The following TRIM49C variants were observed in gnomAD, a reference collection of about 807,000 sequenced individuals.
TRIM49C encodes tripartite motif containing 49C, also known as tripartite motif-containing protein 49C.
Under a neutral mutation model 21.4 loss-of-function variants are expected in TRIM49C, and 6 were observed. That is an observed-to-expected ratio of 0.28 (90% CI 0.15 to 0.55). TRIM49C has a LOEUF of 0.55. TRIM49C is among the 20% of genes least tolerant of loss of function. TRIM49C has a pLI of 0.94. For missense variants in TRIM49C, 161 were observed against 442.4 expected (o/e 0.36, Z 5.71); for synonymous variants, 57 against 148.1 (o/e 0.38, Z 4.47).
intron 6 of TRIM49C, 147 bp from the exon 7 acceptor site, chr11:90,039,718 G>A (rs574051293): frequency 3.7e-6 from 2 of 545,844 alleles, no homozygotes; most frequent in South Asian, 4.4e-5. Context: ...AAACTGTAAA[G>A]AATTAATTTG....
the TRIM49C span, among the ~76,000 whole-genome samples, chr11:90,068,929 A>ATT: frequency 5.6e-5 from 6 of 107,932 alleles, no homozygotes; most frequent in East Asian, 1.3e-3. Flanking sequence ...TCAAGGTTGC[A>ATT]TTGAGCTGGT....
chr11:90,037,154 C>A lies in TRIM49C; in HGVS notation c.508-595C>A, dbSNP rs1950734631. Reference sequence around the variant, plus strand: ...TTCTAGTTGGAGAGAATAGCATATGCAGTAATTTTGAGTTTGTGTATATTT... The same window carrying A: ...TTCTAGTTGGAGAGAATAGCATATGAAGTAATTTTGAGTTTGTGTATATTT... On this transcript the variant is annotated intron_variant, in intron 4 of 7. Transcript: ENST00000448984. Among the ~76,000 whole-genome samples, 2 of 135,188 alleles carry A rather than the reference C, an allele frequency of 1.5e-5. 1 individual carries two copies. Among genetic ancestry groups the A allele is most frequent in the South Asian group, 5.0e-4 (2 of 3,968 alleles). The allele number at this position is 135,188 out of a possible 152,430, so 88.7% of individuals were successfully genotyped here.
the TRIM49C span, among the ~76,000 whole-genome samples, chr11:90,067,746 A>C: frequency 7.1e-6 from 1 of 140,228 alleles, no homozygotes; most frequent in African/African-American, 2.6e-5. Flanking sequence ...GTATTTTTAC[A>C]ATAAAGTTAG....
intron 6 of TRIM49C, among the ~76,000 whole-genome samples, 190 bp downstream of exon 6, chr11:90,038,905 C>T (rs1353399954): frequency 1.5e-5 from 2 of 136,136 alleles, no homozygotes; most frequent in African/African-American, 5.2e-5. Context: ...TGAACTAAAA[C>T]AAACAATTTG....
chr11:90,065,382 C>CTG, the TRIM49C span, among the ~76,000 whole-genome samples: 1 of 115,366 alleles, frequency 8.7e-6, no homozygotes, highest in Non-Finnish European at 1.8e-5. Context: ...CTGTAGATAT[C>CTG]CAGATTAGAA....
chr11:90,041,772 TATTC>T lies in TRIM49C; in HGVS notation c.*225_*228del. The T allele has an allele frequency of 6.1e-6, 1 of 164,246 alleles. No homozygotes were observed. The highest frequency in any genetic ancestry group is 1.0e-5 in the Non-Finnish European group (1 of 98,128). 10.2% of individuals were successfully genotyped at this position (164,246 alleles called of 1,614,324 possible). A position where few individuals can be genotyped will look rare whatever the true frequency, so the allele number is the denominator to read the frequency against. ...TATTAAATAATTTTTGAAAAATCAT[TATTC>T]ATGATCATGGCATACAGTATATTCT... On this transcript the variant is annotated 3_prime_UTR_variant, in exon 8 of 8. Coordinates refer to ENST00000448984, the MANE Select transcript of TRIM49C (RefSeq NM_001195234.1).
the TRIM49C span, chr11:90,061,869 C>T: frequency 2.9e-6 from 1 of 348,896 alleles, no homozygotes; most frequent in Non-Finnish European, 4.4e-6. Flanking sequence ...GATGAAATCA[C>T]TATCTTTTAA....
At chr11:90,048,429 A>T in the TRIM49C span, among the ~76,000 whole-genome samples, 2 of 122,444 alleles carry the variant, frequency 1.6e-5, 1 homozygote, top group Non-Finnish European at 3.3e-5. Context: ...TGGTCTTTTC[A>T]CATTGTCCCA....
chr11:90,056,957 G>C, the TRIM49C span, among the ~76,000 whole-genome samples: 14 of 149,160 alleles, frequency 9.4e-5, no homozygotes, highest in Admixed American at 6.6e-5. Flanking sequence ...AACTTGGTCA[G>C]ACTTAGAAAG....
the TRIM49C span, among the ~76,000 whole-genome samples, chr11:90,049,010 G>C: frequency 8.1e-6 from 1 of 122,784 alleles, no homozygotes; most frequent in Admixed American, 9.3e-5. Context: ...TGCAGGTCTG[G>C]TGGAGTTTGC....
chr11:90,035,619 C>T lies in TRIM49C; in HGVS notation c.408C>T (p.His136=). ...CCATTGAGTGGGCTGCTGAGGAACA[C>T]CGGGTAAGTGATGGCTCTGAAGATC... ...HRPIEWAAEE[H]REKLLQKMQS... is the part of the protein sequence containing the mutation. Residue 136 remains histidine, a synonymous_variant, in exon 3 of 8, where the codon CAC becomes CAT. Transcript: ENST00000448984. 7.5e-7 allele frequency: 1 copy of T among 1,340,954 alleles called. No individual in the cohort carries two copies. The highest frequency in any genetic ancestry group is 1.0e-6 in the Non-Finnish European group (1 of 1,003,620). 83.1% of individuals were successfully genotyped at this position (1,340,954 alleles called of 1,614,324 possible).
the TRIM49C span, chr11:90,071,900 T>G: frequency 7.1e-5 from 37 of 519,110 alleles, 4 homozygotes; most frequent in Non-Finnish European, 5.1e-5. Context: ...AAGAGAATAG[T>G]CTGTGAATAG....
the TRIM49C span, chr11:90,062,577 G>A: frequency 3.5e-6 from 5 of 1,417,254 alleles, no homozygotes; most frequent in East Asian, 5.3e-5. Flanking sequence ...AACTGCCTTA[G>A]AGGCATCACG....
the TRIM49C span, among the ~76,000 whole-genome samples, chr11:90,054,039 A>G: frequency 1.5e-5 from 2 of 137,780 alleles, no homozygotes; most frequent in Non-Finnish European, 3.2e-5. Flanking sequence ...TGTAATTTAT[A>G]TCTTCAATTA....
chr11:90,071,705 C>T, the TRIM49C span: 1,636 of 1,266,504 alleles, frequency 1.3e-3, 187 homozygotes, highest in African/African-American at 0.022. Flanking sequence ...GGAGTGAGTC[C>T]GTGCTGCTGC....
chr11:90,053,678 G>T, the TRIM49C span: 1 of 150,072 alleles, frequency 6.7e-6, no homozygotes, highest in Non-Finnish European at 1.5e-5. Context: ...GATGGCGGTG[G>T]CGGGATCATG....
chr11:90,036,948 A>G (rs1447370651), intron 4 of TRIM49C, among the ~76,000 whole-genome samples: 1 of 134,806 alleles, frequency 7.4e-6, no homozygotes, highest in Admixed American at 8.5e-5. Context: ...CAGAAAAAAG[A>G]CTCACTGAAA....
chr11:90,032,020 A>T lies in TRIM49C; in HGVS notation c.-190-377A>T, dbSNP rs1331435681. ...TGATATAGTGTGAGCCTAAAGTCTT[A>T]GCTACTTGGAAGGCTGAAGCAGGAG... On this transcript the variant is annotated intron_variant, in intron 1 of 7. Coordinates refer to ENST00000448984, the MANE Select transcript of TRIM49C (RefSeq NM_001195234.1). 2.9e-5 allele frequency among the ~76,000 whole-genome samples: 4 copies of T among 136,748 alleles called. 1 individual carries two copies. Among genetic ancestry groups the T allele is most frequent in the Non-Finnish European group, 6.3e-5 (4 of 63,052 alleles). The allele number at this position is 136,748 out of a possible 152,430, so 89.7% of individuals were successfully genotyped here. A position where few individuals can be genotyped will look rare whatever the true frequency, so the allele number is the denominator to read the frequency against.
chr11:90,055,958 T>C, the TRIM49C span, among the ~76,000 whole-genome samples: 2 of 67,186 alleles, frequency 3.0e-5, 1 homozygote, highest in Non-Finnish European at 5.0e-5. Flanking sequence ...TCTGGATTCT[T>C]TTTTTTTTTT....
Sources: allele counts gnomAD v4.1 joint callset (sites outside exome capture counted in the v4.1 genomes callset), GRCh38; gene constraint gnomAD v4.1.1; transcripts MANE v1.5; gene names NCBI Gene and HGNC (gene_info 2026-07-23, HGNC 2026-07-21).